Variants in KIAA2012 observed in about 807,000 individuals in gnomAD.
KIAA2012 encodes KIAA2012.
KIAA2012 carries 125 observed loss-of-function variants against 150.6 expected under a neutral mutation model. The ratio of observed to expected loss-of-function variants is 0.83; its 90% CI spans 0.72 to 0.96. KIAA2012 has a LOEUF of 0.96. Ranked by LOEUF, KIAA2012 falls within the 40% of genes least tolerant of loss-of-function variation. The probability of loss-of-function intolerance (pLI) is 0.00; values close to 1 mark genes in which losing one functional copy is unlikely to be tolerated. For missense variants in KIAA2012, 1,219 were observed against 1,354.9 expected (o/e 0.90, Z 1.57); for synonymous variants, 462 against 504.7 (o/e 0.92, Z 1.13).
intron 15 of KIAA2012, among the ~76,000 whole-genome samples, chr2:202,176,352 A>C (rs1386833798): frequency 2.0e-5 from 3 of 152,022 alleles, no homozygotes; most frequent in African/African-American, 7.3e-5. Flanking sequence ...GTGTGCCACC[A>C]GGCCCGGCTA....
At position 202,196,814 on chromosome 2, in the gene KIAA2012, A is replaced by C. The variant is rs1416482797; in HGVS notation, c.3202A>C (p.Arg1068=). 1.3e-6 allele frequency: 2 copies of C among 1,550,504 alleles called. No individual in the cohort carries two copies. Among genetic ancestry groups the C allele is most frequent in the East Asian group, 4.9e-5 (2 of 40,924 alleles). Residue 1068 remains arginine (R), a synonymous_variant, in exon 22 of 24, where the codon AGG becomes CGG. Transcript: ENST00000498697. ...EAERAEAEKQ[R]QEELEMQLEE... ...CTATTCTGCAGAGGCAGAGAAGCAA[A>C]GGCAAGAGGAATTGGAAATGCAGTT...
At chr2:202,110,622 A>G (rs1319189121) in intron 10 of KIAA2012, among the ~76,000 whole-genome samples, 1 of 152,208 alleles carries the variant, frequency 6.6e-6, no homozygotes, top group African/African-American at 2.4e-5. Flanking sequence ...ATCTCTGTTA[A>G]CAGCAGAATC....
At chr2:202,114,476 A>G (rs1305404635) in intron 11 of KIAA2012, 1 of 167,204 alleles carries the variant, frequency 6.0e-6, no homozygotes, top group Non-Finnish European at 1.5e-5. Context: ...GGCCACTGTC[A>G]GCATGACACA....
At chr2:202,083,632 T>C (rs1477376046) in intron 2 of KIAA2012, among the ~76,000 whole-genome samples, 1 of 152,016 alleles carries the variant, frequency 6.6e-6, no homozygotes, top group African/African-American at 2.4e-5. Context: ...CATTATTGGG[T>C]TTTTCCATTC....
intron 14 of KIAA2012, among the ~76,000 whole-genome samples, chr2:202,164,122 C>G (rs1476772491): frequency 5.3e-5 from 8 of 151,984 alleles, no homozygotes; most frequent in Non-Finnish European, 1.0e-4. Flanking sequence ...ACCCTTCATG[C>G]CAGATTCCAG....
intron 14 of KIAA2012, 69 bp from the exon 15 acceptor site, chr2:202,165,215 C>A: frequency 1.4e-6 from 2 of 1,417,100 alleles, no homozygotes; most frequent in South Asian, 1.2e-5. Flanking sequence ...GTCATGGGAT[C>A]ACAGAAGTGT....
chr2:202,191,069 G>C (rs900625978), intron 19 of KIAA2012, among the ~76,000 whole-genome samples: 3 of 151,892 alleles, frequency 2.0e-5, no homozygotes, highest in African/African-American at 7.3e-5. Context: ...ATGAGGTCAG[G>C]AGTTCAAGAC....
chr2:202,103,894 C>T (rs988333502), intron 8 of KIAA2012, among the ~76,000 whole-genome samples: 2 of 152,222 alleles, frequency 1.3e-5, no homozygotes, highest in African/African-American at 2.4e-5. Flanking sequence ...TTGTTTAAGA[C>T]ACATTCTTGC....
In KIAA2012 at chr2:202,142,423, T is replaced by C. The variant is rs74610591; in HGVS notation, c.1908+3915T>C. On this transcript the variant is annotated intron_variant, in intron 13 of 23. Coordinates refer to ENST00000498697, the MANE Select transcript of KIAA2012 (RefSeq NM_001277372.4). ...AGAAAAAAGTCAGTGAAGATGTCCA[T>C]TGCAGCATTATCTATAACAGAGAAA... 8.1e-3 allele frequency among the ~76,000 whole-genome samples: 1,237 copies of C among 152,350 alleles called. 21 individuals are homozygous for C. The highest frequency in any genetic ancestry group is 0.029 in the African/African-American group (1,188 of 41,576).
intron 18 of KIAA2012, among the ~76,000 whole-genome samples, chr2:202,188,882 G>A (rs898245085): frequency 6.6e-6 from 1 of 152,208 alleles, no homozygotes; most frequent in Non-Finnish European, 1.5e-5. Flanking sequence ...CAGGAACTCG[G>A]ATTCCTTTGC....
At chr2:202,191,878 T>G (rs1203307738) in intron 19 of KIAA2012, among the ~76,000 whole-genome samples, 1 of 152,210 alleles carries the variant, frequency 6.6e-6, no homozygotes, top group Non-Finnish European at 1.5e-5. Context: ...AAATAGAAAC[T>G]AGAAAGAGTT....
intron 15 of KIAA2012, chr2:202,178,871 C>A (rs1165278673): frequency 1.9e-5 from 4 of 205,842 alleles, no homozygotes; most frequent in Admixed American, 1.1e-4. Context: ...AGAAGAAAAC[C>A]AAAGTTGCAA....
chr2:202,099,724 T>G lies in KIAA2012; in HGVS notation c.940T>G (p.Trp314Gly). The G allele has an allele frequency of 3.2e-6, 5 of 1,550,616 alleles. No individual in the cohort carries two copies. The highest frequency in any genetic ancestry group is 3.5e-6 in the Non-Finnish European group (4 of 1,146,996). ...TGGGCATGGCCGCATCGATCACTCTTGGCTCCCAAGTGACAAATCCCACAT... is the reference window on the plus strand; with the variant it reads ...TGGGCATGGCCGCATCGATCACTCTGGGCTCCCAAGTGACAAATCCCACAT... ...AFGHGRIDHS[W>G]LPSDKSHITF... Residue 314 changes from tryptophan to glycine, a missense_variant, in exon 6 of 24, where the codon TGG becomes GGG. By Grantham distance (184) the Trp-to-Gly change is radical. Coordinates refer to ENST00000498697, the MANE Select transcript of KIAA2012 (RefSeq NM_001277372.4).
intron 1 of KIAA2012, among the ~76,000 whole-genome samples, chr2:202,074,688 G>A (rs574181328): frequency 6.6e-6 from 1 of 152,298 alleles, no homozygotes; most frequent in East Asian, 1.9e-4. Flanking sequence ...GGGTGAAATA[G>A]AACCATGCCC....
rs117214328 is a variant in KIAA2012 at position 202,153,597 on chromosome 2, C to T, written c.1909-1076C>T. ...ACTCTCTGCTTAAAATTGCAGCCTC[C>T]ACTTCCATCCCCAGCTATTCCCTCA... On this transcript the variant is annotated intron_variant, in intron 13 of 23. Transcript: ENST00000498697. Among the ~76,000 whole-genome samples the T allele has an allele frequency of 7.7e-4, 118 of 152,310 alleles. 1 individual carries two copies. The East Asian group carries it at 0.015, about 19-fold the overall frequency.
At chr2:202,176,816 C>T (rs1327131367) in intron 15 of KIAA2012, among the ~76,000 whole-genome samples, 2 of 152,038 alleles carry the variant, frequency 1.3e-5, no homozygotes, top group Non-Finnish European at 2.9e-5. Context: ...ATATATCAGA[C>T]CAGCAAAAGT....
intron 2 of KIAA2012, among the ~76,000 whole-genome samples, chr2:202,080,696 CAAAAA>C (rs59085497): frequency 2.9e-5 from 3 of 104,758 alleles, no homozygotes; most frequent in Non-Finnish European, 4.0e-5. Flanking sequence ...AACTCCGTCT[CAAAAA>C]AAAAAAAAAA....
chr2:202,202,206 A>ATTATGCCTCTCT (rs564269172), intron 22 of KIAA2012, among the ~76,000 whole-genome samples: 271 of 152,294 alleles, frequency 1.8e-3, no homozygotes, highest in African/African-American at 6.1e-3. Context: ...AGAACTGTGA[A>ATTATGCCTCTCT]TTATGCCTCT....
At chr2:202,187,170 G>C (rs1187483906) in intron 17 of KIAA2012, 72 bp downstream of exon 17, 1 of 1,483,382 alleles carries the variant, frequency 6.7e-7, no homozygotes, top group Non-Finnish European at 9.0e-7. Context: ...ATGCACAGTT[G>C]TATAGATTGC....
Sources: gnomAD v4.1 joint callset for allele counts (sites outside exome capture counted in the v4.1 genomes callset) on GRCh38, gnomAD v4.1.1 for gene constraint, MANE v1.5 for transcripts, NCBI Gene and HGNC (gene_info 2026-07-23, HGNC 2026-07-21) for gene names.